ABI3BP: variants seen among roughly 807,000 people sequenced by gnomAD.
The protein encoded by ABI3BP is target of Nesh-SH3.
ABI3BP carries 216 observed loss-of-function variants against 268.6 expected under a neutral mutation model. The ratio of observed to expected loss-of-function variants is 0.80; its 90% CI spans 0.72 to 0.90. ABI3BP has a LOEUF of 0.90. Among genes scored for constraint, ABI3BP ranks in the 40% least tolerant of loss-of-function variants. The pLI, the probability that ABI3BP is intolerant of heterozygous loss-of-function variation, is 0.00. For synonymous variants in ABI3BP, 730 were observed against 730.0 expected, an observed-to-expected ratio of 1.00 and a Z score of 0.00; for missense variants, 2,090 against 2,182.4, an observed-to-expected ratio of 0.96 and a Z score of 0.84.
chr3:100,843,214 T>TA (rs1560708359), intron 20 of ABI3BP, among the ~76,000 whole-genome samples: 1 of 152,174 alleles, frequency 6.6e-6, no homozygotes, highest in Admixed American at 6.5e-5. Flanking sequence ...ATATCTGTGA[T>TA]CAAAAAATTT....
intron 1 of ABI3BP, among the ~76,000 whole-genome samples, chr3:100,987,720 A>G (rs1333176084): frequency 6.6e-6 from 1 of 152,214 alleles, no homozygotes; most frequent in Non-Finnish European, 1.5e-5. Flanking sequence ...GATAGCTAAC[A>G]TACTCTTTAA....
chr3:100,903,990 G>A (rs2051853680), intron 2 of ABI3BP, among the ~76,000 whole-genome samples: 1 of 152,138 alleles, frequency 6.6e-6, no homozygotes, highest in Admixed American at 6.5e-5. Flanking sequence ...CTCGTACAAG[G>A]AATGCTGGAC....
At chr3:100,824,424 A>C (rs2098324719) in intron 36 of ABI3BP, among the ~76,000 whole-genome samples, 1 of 152,140 alleles carries the variant, frequency 6.6e-6, no homozygotes, top group South Asian at 2.1e-4. Context: ...GTGTCAGGCA[A>C]ACATATCTTC....
At chr3:100,807,382 G>T (rs2097743166) in intron 50 of ABI3BP, among the ~76,000 whole-genome samples, 1 of 151,558 alleles carries the variant, frequency 6.6e-6, no homozygotes, top group Admixed American at 6.6e-5. Flanking sequence ...GGGGAATATT[G>T]CCTTGGTACC....
intron 14 of ABI3BP, among the ~76,000 whole-genome samples, chr3:100,854,275 C>T (rs1011666445): frequency 4.0e-5 from 6 of 151,886 alleles, no homozygotes; most frequent in African/African-American, 1.5e-4. Flanking sequence ...ACGAGAATCT[C>T]TTGAAACTGG....
At chr3:100,965,527 A>G (rs937124472) in intron 1 of ABI3BP, among the ~76,000 whole-genome samples, 12 of 151,698 alleles carry the variant, frequency 7.9e-5, no homozygotes, top group Admixed American at 2.6e-4. Flanking sequence ...AAACAGAGGA[A>G]GTATTCAATT....
At position 100,846,456 on chromosome 3, in the gene ABI3BP, TAAAG is replaced by T. The variant is rs1298940886; in HGVS notation, c.1649-14_1649-11del. 3 of 1,561,390 alleles carry T rather than the reference TAAAG, an allele frequency of 1.9e-6. No homozygotes were observed. In the African/African-American group the frequency reaches 4.1e-5, roughly 21 times the overall value. ...TGTGTTTTACCGGGAGCTGGAAAAA[TAAAG>T]AAACAAAATAATAAACAAATCAATA... is the stretch of plus-strand genomic sequence containing the variant. On this transcript the variant is annotated splice_polypyrimidine_tract_variant and intron_variant, in intron 19 of 67. Coordinates refer to ENST00000471714, the MANE Select transcript of ABI3BP (RefSeq NM_001375547.2).
chr3:100,802,749 A>T (rs1399599857), intron 51 of ABI3BP, among the ~76,000 whole-genome samples: 1 of 145,068 alleles, frequency 6.9e-6, no homozygotes, highest in Non-Finnish European at 1.6e-5. Flanking sequence ...GTCACAATAA[A>T]ACATAACTCT....
chr3:100,830,387 C>A (rs902466056), intron 32 of ABI3BP, among the ~76,000 whole-genome samples, 191 bp downstream of exon 32: 7 of 151,712 alleles, frequency 4.6e-5, no homozygotes, highest in Middle Eastern at 3.4e-3. Flanking sequence ...TATAAACCGA[C>A]CCTAAGTTCA....
chr3:100,751,099 T>C (rs1270384481), intron 67 of ABI3BP, among the ~76,000 whole-genome samples: 4 of 152,202 alleles, frequency 2.6e-5, no homozygotes, highest in Admixed American at 6.5e-5. Flanking sequence ...AATGGGTCTT[T>C]AGCAATTTAC....
At chr3:100,831,560 T>C (rs1021544328) in intron 31 of ABI3BP, among the ~76,000 whole-genome samples, 1 of 152,090 alleles carries the variant, frequency 6.6e-6, no homozygotes, top group Non-Finnish European at 1.5e-5. Flanking sequence ...GAAGTAGGGA[T>C]CATTGAAGCC....
In ABI3BP at chr3:100,792,802, A is replaced by G. The variant is rs1039700689; in HGVS notation, c.3947-34T>C. On this transcript the variant is annotated intron_variant, in intron 54 of 67. Transcript: ENST00000471714. ...AACACAGTAAGATTGCTTGTTTTAAATAATTAACATTATGAATATGACCAA... is the reference window on the plus strand; with the variant it reads ...AACACAGTAAGATTGCTTGTTTTAAGTAATTAACATTATGAATATGACCAA... 4.4e-6 allele frequency: 7 copies of G among 1,574,980 alleles called. No homozygotes were observed. The African/African-American group carries it at 9.5e-5, about 21-fold the overall frequency.
In ABI3BP at chr3:100,804,852, G is replaced by A; in HGVS notation, c.3697C>T (p.Gln1233Ter). ...PQTQPVPKVP[Q>*]RVTAKPKTSP... ...GTTTTTGGTTTTGCAGTAACACGCT[G>A]GGGCACCTTAGGAACTGAAAGAGAG... The change falls in exon 51 of 68, where the codon CAG becomes TAG. Residue 1233 changes from glutamine (Q) to a stop codon, truncating the protein, a stop_gained. Coordinates refer to ENST00000471714, the MANE Select transcript of ABI3BP (RefSeq NM_001375547.2). LOFTEE classifies it high-confidence loss of function. The A allele has an allele frequency of 6.2e-7, 1 of 1,612,930 alleles. No individual in the cohort carries two copies. The highest frequency in any genetic ancestry group is 8.5e-7 in the Non-Finnish European group (1 of 1,179,068).
chr3:100,764,002 A>T (rs2096125851), intron 63 of ABI3BP, among the ~76,000 whole-genome samples: 1 of 151,946 alleles, frequency 6.6e-6, no homozygotes, highest in Admixed American at 6.5e-5. Flanking sequence ...GGCTTATAAG[A>T]CCCTCTCCAC....
At chr3:100,757,259 A>G (rs751838159) in intron 63 of ABI3BP, among the ~76,000 whole-genome samples, 14 of 152,224 alleles carry the variant, frequency 9.2e-5, no homozygotes, top group Non-Finnish European at 1.8e-4. Context: ...TAAATTTCCC[A>G]GTACTGAAAG....
chr3:100,842,052 C>T lies in ABI3BP; in HGVS notation c.1724-13G>A. ...TGAGGTTCTGGGGCTGTAATAAAAGCAAGTAATATCAAAAGCAATGCTGAA... is the reference window on the plus strand; with the variant it reads ...TGAGGTTCTGGGGCTGTAATAAAAGTAAGTAATATCAAAAGCAATGCTGAA... On this transcript the variant is annotated splice_polypyrimidine_tract_variant and intron_variant, in intron 20 of 67. Transcript: ENST00000471714. 6.5e-7 allele frequency: 1 copy of T among 1,531,136 alleles called. No homozygotes were observed. The allele number at this position is 1,531,136 out of a possible 1,614,324, so 94.8% of individuals were successfully genotyped here. A position where few individuals can be genotyped will look rare whatever the true frequency, so the allele number is the denominator to read the frequency against.
intron 1 of ABI3BP, among the ~76,000 whole-genome samples, chr3:100,944,565 T>C (rs1443452060): frequency 6.6e-6 from 1 of 152,194 alleles, no homozygotes; most frequent in Non-Finnish European, 1.5e-5. Flanking sequence ...AATCTTGCCA[T>C]CTTGCAAAAA....
At chr3:100,884,654 C>T (rs1366329693) in intron 6 of ABI3BP, among the ~76,000 whole-genome samples, 1 of 152,050 alleles carries the variant, frequency 6.6e-6, no homozygotes, top group Non-Finnish European at 1.5e-5. Context: ...CCACACACCT[C>T]AAGCACACAT....
chr3:100,817,052 G>A (rs1376740324), intron 42 of ABI3BP, among the ~76,000 whole-genome samples: 1 of 152,126 alleles, frequency 6.6e-6, no homozygotes, highest in African/African-American at 2.4e-5. Context: ...AATCTTTTGA[G>A]TATGCCAAAG....
Sources: gnomAD v4.1 joint callset for allele counts (sites outside exome capture counted in the v4.1 genomes callset) on GRCh38, gnomAD v4.1.1 for gene constraint, MANE v1.5 for transcripts, NCBI Gene and HGNC (gene_info 2026-07-23, HGNC 2026-07-21) for gene names.